FHIT: variants seen among roughly 807,000 people sequenced by gnomAD.
The protein encoded by FHIT is bis(5'-adenosyl)-triphosphatase.
In FHIT, 19 loss-of-function variants were observed where a neutral mutation model predicts 17.9. The ratio of observed to expected loss-of-function variants is 1.06; its 90% CI spans 0.74 to 1.56. The LOEUF is 1.56. Among genes scored for constraint, FHIT ranks in the 40% most tolerant of loss-of-function variants. The pLI, the probability that FHIT is intolerant of heterozygous loss-of-function variation, is 0.00. For missense variants in FHIT, 248 were observed against 189.2 expected, an observed-to-expected ratio of 1.31 and a Z score of -1.82; for synonymous variants, 81 against 69.7, an observed-to-expected ratio of 1.16 and a Z score of -0.81.
chr3:61,077,935 G>A (rs1344657299), intron 2 of FHIT, among the ~76,000 whole-genome samples: 11 of 152,120 alleles, frequency 7.2e-5, no homozygotes, highest in Non-Finnish European at 1.5e-4. Context: ...AAGAAATAGA[G>A]TCAAGGAGAG....
At chr3:60,403,820 G>A (rs534974511) in intron 5 of FHIT, among the ~76,000 whole-genome samples, 2 of 152,270 alleles carry the variant, frequency 1.3e-5, no homozygotes, top group Admixed American at 6.5e-5. Context: ...GTATCTTTGG[G>A]TCATCATTCT....
intron 5 of FHIT, among the ~76,000 whole-genome samples, chr3:60,492,682 T>C (rs925091196): frequency 6.6e-6 from 1 of 152,020 alleles, no homozygotes. Flanking sequence ...AATTTTTGTA[T>C]TTTTAGTAGA....
At chr3:60,254,869 T>C (rs1376784301) in intron 5 of FHIT, among the ~76,000 whole-genome samples, 3 of 152,226 alleles carry the variant, frequency 2.0e-5, no homozygotes, top group Admixed American at 6.5e-5. Flanking sequence ...ATATTTGATG[T>C]GACTTTTTGT....
At position 60,630,945 on chromosome 3, in the gene FHIT, A is replaced by C. The variant is rs1490678823; in HGVS notation, c.-17-93966T>G. Among the ~76,000 whole-genome samples the C allele has an allele frequency of 2.6e-3, 284 of 108,238 alleles. 1 individual carries two copies. The highest frequency in any genetic ancestry group is 5.5e-3 in the Admixed American group (51 of 9,212). The allele number at this position is 108,238 out of a possible 152,430, so 71.0% of individuals were successfully genotyped here. A position where few individuals can be genotyped will look rare whatever the true frequency, so the allele number is the denominator to read the frequency against. On this transcript the variant is annotated intron_variant, in intron 4 of 9. Coordinates refer to ENST00000492590, the MANE Select transcript of FHIT (RefSeq NM_002012.4). ...TCTTCCCAGGTCATTAAAAAAAAAA[A>C]AAAAAAAAAAACACACAGAAATAAC...
intron 8 of FHIT, among the ~76,000 whole-genome samples, chr3:59,770,832 C>T (rs533223474): frequency 7.9e-5 from 12 of 152,276 alleles, no homozygotes; most frequent in East Asian, 3.9e-4. Flanking sequence ...ACAGGCCTTT[C>T]GGACTCCCAT....
chr3:60,592,113 A>C (rs1400662378), intron 4 of FHIT, among the ~76,000 whole-genome samples: 1 of 150,918 alleles, frequency 6.6e-6, no homozygotes, highest in Admixed American at 6.6e-5. Flanking sequence ...AGCTATATGT[A>C]TTCTTAAGAC....
At chr3:60,062,577 G>A (rs776638452) in intron 5 of FHIT, among the ~76,000 whole-genome samples, 5 of 152,158 alleles carry the variant, frequency 3.3e-5, no homozygotes, top group Non-Finnish European at 7.3e-5. Context: ...CCAACCCAAA[G>A]ATCACGATCT....
intron 1 of FHIT, among the ~76,000 whole-genome samples, chr3:61,207,688 G>A (rs184251461): frequency 6.3e-4 from 96 of 152,148 alleles, no homozygotes; most frequent in Non-Finnish European, 1.1e-3. Context: ...TTTTTATTGT[G>A]TCTATTTGAT....
At chr3:60,440,585 T>C (rs964588715) in intron 5 of FHIT, among the ~76,000 whole-genome samples, 2 of 152,084 alleles carry the variant, frequency 1.3e-5, no homozygotes, top group African/African-American at 4.8e-5. Context: ...AACCTCAGCG[T>C]TAAAAACTTG....
At chr3:61,167,778 G>A (rs187021188) in intron 2 of FHIT, among the ~76,000 whole-genome samples, 1 of 152,216 alleles carries the variant, frequency 6.6e-6, no homozygotes, top group Non-Finnish European at 1.5e-5. Flanking sequence ...AAAGAAAACA[G>A]TTATTCAATG....
intron 4 of FHIT, among the ~76,000 whole-genome samples, chr3:60,775,362 G>A (rs1230775449): frequency 6.6e-6 from 1 of 152,140 alleles, no homozygotes; most frequent in African/African-American, 2.4e-5. Context: ...CCGGGGTGGA[G>A]CCTCGGGAAT....
At chr3:59,753,238 T>G (rs1701016380) in intron 8 of FHIT, among the ~76,000 whole-genome samples, 1 of 152,000 alleles carries the variant, frequency 6.6e-6, no homozygotes, top group Non-Finnish European at 1.5e-5. Context: ...GTATTTCCAT[T>G]AAAAGAGGGT....
At chr3:60,498,087 A>G (rs144014841) in intron 5 of FHIT, among the ~76,000 whole-genome samples, 1 of 152,342 alleles carries the variant, frequency 6.6e-6, no homozygotes, top group African/African-American at 2.4e-5. Flanking sequence ...CTGTGTTCCA[A>G]TAAACCTTTA....
intron 3 of FHIT, among the ~76,000 whole-genome samples, chr3:60,974,488 A>G (rs1710154323): frequency 6.6e-6 from 1 of 152,072 alleles, no homozygotes. Flanking sequence ...TGTGGTTATC[A>G]CCACGTAATG....
chr3:60,828,771 G>A (rs1702213804), intron 3 of FHIT, among the ~76,000 whole-genome samples: 1 of 152,140 alleles, frequency 6.6e-6, no homozygotes, highest in South Asian at 2.1e-4. Flanking sequence ...CCAGCCACTT[G>A]GGAGACTGAG....
At chr3:60,700,398 T>A (rs1024481326) in intron 4 of FHIT, among the ~76,000 whole-genome samples, 6 of 152,204 alleles carry the variant, frequency 3.9e-5, no homozygotes, top group African/African-American at 1.4e-4. Flanking sequence ...GATGCTGCCA[T>A]ATCATGGACA....
chr3:60,860,178 GGTATACATGAGATACATCATATGTAT>G (rs1703600471), intron 3 of FHIT, among the ~76,000 whole-genome samples: 1 of 82,312 alleles, frequency 1.2e-5, no homozygotes, highest in African/African-American at 6.1e-5. Context: ...ATGTATATAT[GGTATACATGAGATACATCATATGTAT>G]ATATGGTATA....
chr3:59,993,679 C>T (rs1049267515), intron 7 of FHIT, among the ~76,000 whole-genome samples: 1 of 152,010 alleles, frequency 6.6e-6, no homozygotes, highest in South Asian at 2.1e-4. Flanking sequence ...GCCGGCGCCA[C>T]CAAAACCAGC....
intron 3 of FHIT, among the ~76,000 whole-genome samples, chr3:60,853,715 A>G (rs781835555): frequency 4.6e-5 from 7 of 152,088 alleles, no homozygotes; most frequent in Non-Finnish European, 7.4e-5. Flanking sequence ...GCTTCATTTC[A>G]TCTTTTATCT....
Sources: allele counts gnomAD v4.1 joint callset (sites outside exome capture counted in the v4.1 genomes callset), GRCh38; gene constraint gnomAD v4.1.1; transcripts MANE v1.5; gene names NCBI Gene and HGNC (gene_info 2026-07-23, HGNC 2026-07-21).